PCDH19: variants seen among roughly 807,000 people sequenced by gnomAD.
PCDH19 encodes the protein protocadherin-19.
A neutral mutation model predicts 46.2 loss-of-function variants in PCDH19; 6 were observed. That is an observed-to-expected ratio of 0.13 (90% CI 0.07 to 0.26). The LOEUF is 0.26. Among genes scored for constraint, PCDH19 ranks in the 10% least tolerant of loss-of-function variants. The pLI is 1.00. For missense variants in PCDH19, 740 were observed against 972.3 expected (o/e 0.76, Z 3.18); for synonymous variants, 481 against 415.7 (o/e 1.16, Z -1.91).
At chrX:100,363,320 AT>A (rs201651772) in intron 3 of PCDH19, among the ~76,000 whole-genome samples, 25 of 107,672 alleles carry the variant, frequency 2.3e-4, no homozygotes, top group African/African-American at 4.1e-4. Context: ...AAAAAAAAAA[AT>A]GGAAATAATA....
intron 3 of PCDH19, among the ~76,000 whole-genome samples, chrX:100,384,016 T>C (rs922991485): frequency 9.0e-6 from 1 of 111,540 alleles, no homozygotes; most frequent in Admixed American, 9.5e-5. Context: ...CAATTAACCA[T>C]CTAGGAAAAT....
chrX:100,400,760 G>C (rs1271728792), intron 3 of PCDH19, among the ~76,000 whole-genome samples: 1 of 112,247 alleles, frequency 8.9e-6, no homozygotes, highest in East Asian at 2.8e-4. Context: ...ATTCTGATGG[G>C]AATTATTGTT....
intron 5 of PCDH19, among the ~76,000 whole-genome samples, chrX:100,333,104 AGGAG>A (rs1569294461): frequency 1.2e-5 from 1 of 82,844 alleles, no homozygotes; most frequent in African/African-American, 4.5e-5. Context: ...GAAGGAAGGA[AGGAG>A]GGAGGGAAGG....
chrX:100,350,589 T>C, intron 4 of PCDH19, 57 bp downstream of exon 4: 1 of 811,497 alleles, frequency 1.2e-6, no homozygotes, highest in Non-Finnish European at 1.9e-6. Context: ...TAATCTGTTT[T>C]GCTTTTTAAT....
chrX:100,332,791 T>C (rs376378673), intron 5 of PCDH19, among the ~76,000 whole-genome samples: 4 of 109,793 alleles, frequency 3.6e-5, no homozygotes, highest in East Asian at 5.8e-4. Context: ...GCAGGAGGAC[T>C]GCTGCTTGAG....
At chrX:100,352,373 A>G (rs1321208151) in intron 3 of PCDH19, among the ~76,000 whole-genome samples, 1 of 112,565 alleles carries the variant, frequency 8.9e-6, no homozygotes, top group Admixed American at 9.4e-5. Context: ...TACCAACATA[A>G]CAGGTAAAAA....
intron 5 of PCDH19, among the ~76,000 whole-genome samples, chrX:100,333,236 A>AGAAAGAAG (rs1569294837): frequency 1.6e-4 from 17 of 106,827 alleles, no homozygotes; most frequent in African/African-American, 5.8e-4. Flanking sequence ...AAAGAAAGAA[A>AGAAAGAAG]GAAAGAAAGA....
chrX:100,296,055 T>C lies in PCDH19; in HGVS notation c.*222A>G. On this transcript the variant is annotated 3_prime_UTR_variant, in exon 6 of 6. Transcript: ENST00000373034. ...CTGTTTCCCCAACATCAAGGCCCCATGAACAACTCAAGCCAAAGCTAATTT... is the reference window on the plus strand; with the variant it reads ...CTGTTTCCCCAACATCAAGGCCCCACGAACAACTCAAGCCAAAGCTAATTT... The C allele has an allele frequency of 2.3e-6, 1 of 438,910 alleles. No homozygotes were observed. The highest frequency in any genetic ancestry group is 4.0e-6 in the Non-Finnish European group (1 of 252,602). The allele number at this position is 438,910 out of a possible 1,213,427, so 36.2% of individuals were successfully genotyped here.
At chrX:100,397,395 T>C (rs1279809208) in intron 3 of PCDH19, among the ~76,000 whole-genome samples, 1 of 112,100 alleles carries the variant, frequency 8.9e-6, no homozygotes, top group African/African-American at 3.3e-5. Flanking sequence ...TGAGTGGCTA[T>C]AGCAGAGCAT....
chrX:100,357,943 T>C, intron 3 of PCDH19, among the ~76,000 whole-genome samples: 1 of 112,083 alleles, frequency 8.9e-6, no homozygotes, highest in Non-Finnish European at 1.9e-5. Flanking sequence ...CTTATCACAA[T>C]TAAGGCAGGT....
At chrX:100,371,859 CA>C (rs1433760946) in intron 3 of PCDH19, among the ~76,000 whole-genome samples, 114 of 105,545 alleles carry the variant, frequency 1.1e-3, no homozygotes, top group African/African-American at 4.0e-3. Flanking sequence ...TACACACACA[CA>C]CACACACACA....
chrX:100,348,182 G>C (rs1926469234), intron 4 of PCDH19, among the ~76,000 whole-genome samples: 1 of 110,662 alleles, frequency 9.0e-6, no homozygotes, highest in East Asian at 2.8e-4. Flanking sequence ...AATTAAAACT[G>C]ATAATCAGAT....
At chrX:100,383,404 T>C (rs190239642) in intron 3 of PCDH19, among the ~76,000 whole-genome samples, 157 of 111,870 alleles carry the variant, frequency 1.4e-3, no homozygotes, top group Non-Finnish European at 2.2e-3. Context: ...CATGGAGCGC[T>C]CCATACGAAA....
chrX:100,380,921 G>A (rs762259608), intron 3 of PCDH19, among the ~76,000 whole-genome samples: 3 of 112,020 alleles, frequency 2.7e-5, no homozygotes, highest in Non-Finnish European at 5.6e-5. Context: ...GGCCATCAGC[G>A]GATACTGAAC....
At chrX:100,319,670 A>C (rs1925415417) in intron 5 of PCDH19, among the ~76,000 whole-genome samples, 1 of 112,211 alleles carries the variant, frequency 8.9e-6, no homozygotes, top group Non-Finnish European at 1.9e-5. Context: ...ACTAAAAGAC[A>C]CTAAAGGCAA....
chrX:100,389,471 C>T (rs1370744265), intron 3 of PCDH19, among the ~76,000 whole-genome samples: 1 of 110,766 alleles, frequency 9.0e-6, no homozygotes, highest in African/African-American at 3.3e-5. Context: ...TAATGTCTAG[C>T]ATGGTGACTA....
chrX:100,309,518 C>A (rs919795830), intron 5 of PCDH19, among the ~76,000 whole-genome samples: 4 of 111,324 alleles, frequency 3.6e-5, no homozygotes, highest in Non-Finnish European at 7.6e-5. Context: ...ATTTGTTCCA[C>A]AAAAACTATT....
chrX:100,363,412 C>A (rs776912734), intron 3 of PCDH19, among the ~76,000 whole-genome samples: 37 of 108,074 alleles, frequency 3.4e-4, no homozygotes, highest in Admixed American at 2.7e-3. Context: ...AATCACCAGA[C>A]AAATGGCAAG....
In PCDH19 at chrX:100,293,874, G is replaced by T. The variant is rs1290680451; in HGVS notation, c.*2403C>A. On this transcript the variant is annotated 3_prime_UTR_variant, in exon 6 of 6. Coordinates refer to ENST00000373034, the MANE Select transcript of PCDH19 (RefSeq NM_001184880.2). Reference sequence around the variant, plus strand: ...ACTCTAACCATTTAAAACTTGGCTGGTAAGAGGCATGGCAGCCAGTGGCCT... The same window carrying T: ...ACTCTAACCATTTAAAACTTGGCTGTTAAGAGGCATGGCAGCCAGTGGCCT... 8.9e-6 allele frequency: 1 copy of T among 111,877 alleles called. No homozygotes were observed. Among genetic ancestry groups the T allele is most frequent in the Admixed American group, 9.5e-5 (1 of 10,555 alleles). The allele number at this position is 111,877 out of a possible 1,213,427, so 9.2% of individuals were successfully genotyped here.
Sources: allele counts gnomAD v4.1 joint callset (sites outside exome capture counted in the v4.1 genomes callset), GRCh38; gene constraint gnomAD v4.1.1; transcripts MANE v1.5; gene names NCBI Gene and HGNC (gene_info 2026-07-23, HGNC 2026-07-21).